CTNNA3: variants seen among roughly 807,000 people sequenced by gnomAD.
CTNNA3 encodes the protein catenin alpha 3.
In CTNNA3, 76 loss-of-function variants were observed where a neutral mutation model predicts 95.7. That is an observed-to-expected ratio of 0.79 (90% CI 0.66 to 0.96). The LOEUF (loss-of-function observed/expected upper bound fraction) is 0.96. CTNNA3 is among the 40% of genes least tolerant of loss of function. CTNNA3 has a pLI of 0.00. For synonymous variants in CTNNA3, 431 were observed against 374.4 expected, an observed-to-expected ratio of 1.15 and a Z score of -1.74; for missense variants, 1,191 against 1,089.8, an observed-to-expected ratio of 1.09 and a Z score of -1.31.
intron 15 of CTNNA3, among the ~76,000 whole-genome samples, chr10:66,055,626 T>C (rs1171066703): frequency 6.6e-6 from 1 of 152,158 alleles, no homozygotes; most frequent in Non-Finnish European, 1.5e-5. Flanking sequence ...CTTTAGTTTT[T>C]TTAAGATAAA....
intron 17 of CTNNA3, among the ~76,000 whole-genome samples, chr10:65,947,713 A>C (rs937031278): frequency 8.7e-4 from 132 of 152,224 alleles, no homozygotes; most frequent in African/African-American, 3.1e-3. Context: ...TGTTGTGTTG[A>C]GTCACTGAGA....
At chr10:66,902,986 CAATCAAT>C (rs1185323367) in intron 7 of CTNNA3, among the ~76,000 whole-genome samples, 1 of 152,050 alleles carries the variant, frequency 6.6e-6, no homozygotes, top group Non-Finnish European at 1.5e-5. Flanking sequence ...GAAACTATTC[CAATCAAT>C]AGAAAAAGAG....
chr10:67,313,014 T>C (rs955108202), intron 5 of CTNNA3, among the ~76,000 whole-genome samples: 3 of 152,200 alleles, frequency 2.0e-5, no homozygotes, highest in African/African-American at 7.2e-5. Context: ...TTCATGTTCA[T>C]TCCTTACTTT....
chr10:66,273,887 AC>A (rs1394504931), intron 13 of CTNNA3, among the ~76,000 whole-genome samples: 3 of 151,914 alleles, frequency 2.0e-5, no homozygotes, highest in Non-Finnish European at 4.4e-5. Context: ...ACAGCCTGGG[AC>A]CCTAGACTGT....
At chr10:66,048,739 C>T (rs757507938) in intron 15 of CTNNA3, among the ~76,000 whole-genome samples, 37 of 151,958 alleles carry the variant, frequency 2.4e-4, no homozygotes, top group Admixed American at 8.5e-4. Flanking sequence ...CCAGTCTGGG[C>T]GGCAGAGCGA....
chr10:67,323,833 A>G (rs914226087), intron 5 of CTNNA3, among the ~76,000 whole-genome samples: 9 of 152,192 alleles, frequency 5.9e-5, no homozygotes, highest in African/African-American at 2.2e-4. Context: ...CTTCCTGTCC[A>G]TGAGCATAGA....
chr10:67,176,796 A>G, intron 7 of CTNNA3: 2 of 390,010 alleles, frequency 5.1e-6, no homozygotes, highest in African/African-American at 2.1e-5. Flanking sequence ...GCAGGGTCAG[A>G]GAAACATGAC....
At chr10:66,904,815 A>T (rs1486879539) in intron 7 of CTNNA3, among the ~76,000 whole-genome samples, 1 of 152,254 alleles carries the variant, frequency 6.6e-6, no homozygotes, top group Non-Finnish European at 1.5e-5. Flanking sequence ...TCAAAACCAC[A>T]ATGAGATACC....
intron 14 of CTNNA3, among the ~76,000 whole-genome samples, chr10:66,086,160 C>G (rs1174467282): frequency 6.6e-6 from 1 of 152,132 alleles, no homozygotes; most frequent in African/African-American, 2.4e-5. Flanking sequence ...CATTCAGGCA[C>G]TAGAAATAAG....
Position 66,733,205 on chromosome 10 carries a change from C to A in CTNNA3, c.1281+33059G>T, listed in dbSNP as rs190211176. On this transcript the variant is annotated intron_variant, in intron 9 of 17. Transcript: ENST00000433211. Reference sequence around the variant, plus strand: ...AAAAAACAAATATCTTCTTTCTTTGCCAAAGCAAAAACTGCTAACATTTTT... The same window carrying A: ...AAAAAACAAATATCTTCTTTCTTTGACAAAGCAAAAACTGCTAACATTTTT... Among the ~76,000 whole-genome samples the A allele has an allele frequency of 4.6e-4, 70 of 152,114 alleles. 1 individual carries two copies. Among genetic ancestry groups the A allele is most frequent in the African/African-American group, 1.7e-3 (69 of 41,518 alleles).
At chr10:66,936,972 CTG>C (rs1847741664) in intron 7 of CTNNA3, among the ~76,000 whole-genome samples, 1 of 152,106 alleles carries the variant, frequency 6.6e-6, no homozygotes, top group Non-Finnish European at 1.5e-5. Flanking sequence ...GTAAAGCACT[CTG>C]AAATCATCCT....
At chr10:66,741,723 G>A (rs1006017453) in intron 9 of CTNNA3, among the ~76,000 whole-genome samples, 8 of 152,132 alleles carry the variant, frequency 5.3e-5, no homozygotes, top group Admixed American at 3.3e-4. Context: ...AAGATTTCAT[G>A]GACATTTATT....
chr10:67,499,828 C>T (rs569607972), intron 5 of CTNNA3, among the ~76,000 whole-genome samples: 1 of 152,118 alleles, frequency 6.6e-6, no homozygotes, highest in South Asian at 2.1e-4. Flanking sequence ...CTCTTTTCTT[C>T]TTTATTAGTC....
At chr10:67,249,567 CGTAT>C (rs112516861) in intron 5 of CTNNA3, among the ~76,000 whole-genome samples, 29,772 of 151,900 alleles carry the variant, frequency 0.2, 4,883 homozygotes, top group African/African-American at 0.46. Flanking sequence ...AACTTTCTAC[CGTAT>C]GTATTACCGA....
intron 1 of CTNNA3, among the ~76,000 whole-genome samples, chr10:67,649,019 T>C (rs565862018): frequency 2.0e-5 from 3 of 152,344 alleles, no homozygotes; most frequent in African/African-American, 7.2e-5. Flanking sequence ...GTGACCTTTC[T>C]GCATAGCCCA....
intron 12 of CTNNA3, among the ~76,000 whole-genome samples, chr10:66,336,746 GT>G (rs770778529): frequency 6.6e-6 from 1 of 151,996 alleles, no homozygotes; most frequent in Non-Finnish European, 1.5e-5. Context: ...ATAGTGCTGA[GT>G]ATAAACAGGG....
At chr10:66,560,393 T>C (rs1842516572) in intron 10 of CTNNA3, among the ~76,000 whole-genome samples, 1 of 151,646 alleles carries the variant, frequency 6.6e-6, no homozygotes, top group Non-Finnish European at 1.5e-5. Context: ...AGTTGTACAA[T>C]AAATACTTTA....
chr10:67,528,668 A>C (rs1840223012), intron 4 of CTNNA3, among the ~76,000 whole-genome samples: 1 of 152,178 alleles, frequency 6.6e-6, no homozygotes, highest in African/African-American at 2.4e-5. Context: ...CATATTGTTA[A>C]TTTACTTTTT....
intron 5 of CTNNA3, among the ~76,000 whole-genome samples, chr10:67,323,716 A>G (rs1841421460): frequency 2.6e-5 from 4 of 152,068 alleles, no homozygotes; most frequent in Admixed American, 2.6e-4. Context: ...TTGGCCCCAT[A>G]AGAATTTTAA....
Sources: allele counts gnomAD v4.1 joint callset (sites outside exome capture counted in the v4.1 genomes callset), GRCh38; gene constraint gnomAD v4.1.1; transcripts MANE v1.5; gene names NCBI Gene and HGNC (gene_info 2026-07-23, HGNC 2026-07-21).